MGAM2: variants seen among roughly 807,000 people sequenced by gnomAD.
MGAM2 encodes the protein maltase-glucoamylase 2 (putative).
Under a neutral mutation model 96.1 loss-of-function variants are expected in MGAM2, and 98 were observed. That is an observed-to-expected ratio of 1.02 (90% confidence interval 0.87 to 1.21). The LOEUF (loss-of-function observed/expected upper bound fraction) is 1.21, where lower values mean the gene tolerates loss of function less well. MGAM2 is among the 50% of genes most tolerant of loss of function. The pLI is 0.00. For synonymous variants in MGAM2, 749 were observed against 414.8 expected (o/e 1.81, Z -9.79); for missense variants, 2,055 against 1,182.4 (o/e 1.74, Z -10.82).
chr7:142,131,564 A>C lies in MGAM2; in HGVS notation c.357A>C (p.Gly119=), dbSNP rs186930226. 121 of 703,050 alleles carry C rather than the reference A, an allele frequency of 1.7e-4. No homozygotes were observed. The highest frequency in any genetic ancestry group is 2.8e-4 in the Non-Finnish European group (107 of 384,956). 43.6% of individuals were successfully genotyped at this position (703,050 alleles called of 1,614,324 possible). ...GGTTGCCATCACCATCTCTGTTTGG[A>C]AATGATGTCGCCACCACCCTTTTCA... ...LKRLPSPSLF[G]NDVATTLFTA... Residue 119 remains glycine, a synonymous_variant, in exon 5 of 48, where the codon GGA becomes GGC. Coordinates refer to ENST00000477922, the MANE Select transcript of MGAM2 (RefSeq NM_001293626.2).
At chr7:142,158,161 G>GGTTA (rs1795791550) in intron 18 of MGAM2, 70 bp downstream of exon 18, 1 of 700,196 alleles carries the variant, frequency 1.4e-6, no homozygotes, top group Non-Finnish European at 2.6e-6. Flanking sequence ...GTGGTAGCAA[G>GGTTA]GTTAGTTAGG....
At chr7:142,132,648 T>C (rs111219644) in intron 6 of MGAM2, among the ~76,000 whole-genome samples, 1,377 of 126,902 alleles carry the variant, frequency 0.011, 12 homozygotes, top group South Asian at 0.018. Context: ...AAGAATATAG[T>C]TATAATTAAA....
chr7:142,184,442 A>G (rs569942874), intron 33 of MGAM2, among the ~76,000 whole-genome samples: 1 of 152,190 alleles, frequency 6.6e-6, no homozygotes, highest in Non-Finnish European at 1.5e-5. Flanking sequence ...GCATTTATGT[A>G]CTATCTGTGA....
At chr7:142,174,608 T>TATATG (rs1480366686) in intron 31 of MGAM2, among the ~76,000 whole-genome samples, 1 of 151,988 alleles carries the variant, frequency 6.6e-6, no homozygotes, top group East Asian at 1.9e-4. Flanking sequence ...GGATCTTGTC[T>TATATG]ATATGACAAG....
chr7:142,126,216 C>T (rs1294532640), intron 3 of MGAM2, among the ~76,000 whole-genome samples: 1 of 151,772 alleles, frequency 6.6e-6, no homozygotes, highest in Non-Finnish European at 1.5e-5. Context: ...CTTAATGAGA[C>T]CTATTCATAT....
chr7:142,196,941 TGGAAAATCCACAGA>T, intron 40 of MGAM2, 125 bp downstream of exon 40: 1 of 611,880 alleles, frequency 1.6e-6, no homozygotes, highest in East Asian at 2.7e-5. Flanking sequence ...CTTAATTTCT[TGGAAAATCCACAGA>T]GTTCAGAACT....
At position 142,147,463 on chromosome 7, in the gene MGAM2, G is replaced by A; in HGVS notation, c.1524G>A (p.Leu508=). 1 of 702,156 alleles carries A rather than the reference G, an allele frequency of 1.4e-6. No individual in the cohort carries two copies. Among genetic ancestry groups the A allele is most frequent in the Admixed American group, 2.0e-5 (1 of 49,890 alleles). 43.5% of individuals were successfully genotyped at this position (702,156 alleles called of 1,614,324 possible). ...ATGAGTATTTCCCTCCAGGAGTTCTGGATCACTTACTTTTTGCAAGAACTC... is the reference window on the plus strand; with the variant it reads ...ATGAGTATTTCCCTCCAGGAGTTCTAGATCACTTACTTTTTGCAAGAACTC... The part of the protein sequence containing the change: ...LNFPPFLPRV[L]DHLLFARTLC... Residue 508 remains leucine (L), a synonymous_variant, in exon 15 of 48, where the codon CTG becomes CTA. Coordinates refer to ENST00000477922, the MANE Select transcript of MGAM2 (RefSeq NM_001293626.2).
chr7:142,220,405 C>T lies in MGAM2; in HGVS notation c.5894C>T (p.Pro1965Leu). ...GTTCCCGATACAACTGCCCCTTTCC[C>T]AACAAATACTACTACTGCTAGCACT... is the stretch of plus-strand genomic sequence containing the variant. ...ATVPDTTAPF[P>L]TNTTTASTNA... The change falls in exon 48 of 48, where the codon CCA becomes CTA. Residue 1965 changes from proline (P) to leucine (L), a missense_variant. Physicochemically the swap from Pro to Leu is moderately conservative, Grantham distance 98. Coordinates refer to ENST00000477922, the MANE Select transcript of MGAM2 (RefSeq NM_001293626.2). 5.7e-6 allele frequency: 4 copies of T among 702,582 alleles called. No individual in the cohort carries two copies. Among genetic ancestry groups the T allele is most frequent in the Non-Finnish European group, 1.0e-5 (4 of 384,866 alleles). 43.5% of individuals were successfully genotyped at this position (702,582 alleles called of 1,614,324 possible).
intron 22 of MGAM2, among the ~76,000 whole-genome samples, chr7:142,161,669 G>A (rs11761774): frequency 0.28 from 43,280 of 152,046 alleles, 6,452 homozygotes; most frequent in Non-Finnish European, 0.32. Flanking sequence ...TATTGTGTAG[G>A]CCTTGAGGAA....
At chr7:142,165,102 TG>T (rs1795993244) in intron 24 of MGAM2, 79 bp downstream of exon 24, 4 of 584,420 alleles carry the variant, frequency 6.8e-6, no homozygotes, top group Non-Finnish European at 1.2e-5. Flanking sequence ...CTCTTTTAAC[TG>T]TGGGCAGTCA....
intron 38 of MGAM2, 110 bp downstream of exon 38, chr7:142,196,397 T>G (rs1183298177): frequency 2.3e-5 from 15 of 644,126 alleles, no homozygotes; most frequent in Non-Finnish European, 4.2e-5. Context: ...GTGGTAAAAT[T>G]AACAAGAACT....
At chr7:142,212,899 T>C (rs914758394) in intron 46 of MGAM2, among the ~76,000 whole-genome samples, 4 of 152,056 alleles carry the variant, frequency 2.6e-5, no homozygotes, top group Admixed American at 6.6e-5. Flanking sequence ...TCAGCACCAA[T>C]AGCACTTATT....
At chr7:142,218,729 C>G (rs570529267) in intron 47 of MGAM2, among the ~76,000 whole-genome samples, 198 bp downstream of exon 47, 1 of 152,270 alleles carries the variant, frequency 6.6e-6, no homozygotes, top group African/African-American at 2.4e-5. Context: ...CATTAATGGT[C>G]TTTCCAGTAT....
chr7:142,182,866 T>A lies in MGAM2; in HGVS notation c.3817-400T>A, dbSNP rs150404945. On this transcript the variant is annotated intron_variant, in intron 32 of 47. Transcript: ENST00000477922. ...AATGGTTTACTCAGTATTTTGGTTT[T>A]TCTCCATGGGAGAGGTGCTTCCCAG... is the stretch of plus-strand genomic sequence containing the variant. Among the ~76,000 whole-genome samples, 927 of 152,328 alleles carry A rather than the reference T, an allele frequency of 6.1e-3. 14 individuals are homozygous for A. Among genetic ancestry groups the A allele is most frequent in the African/African-American group, 0.021 (881 of 41,564 alleles).
rs867158740 is a variant in MGAM2 at position 142,189,383 on chromosome 7, C to A, written c.4224C>A (p.Asp1408Glu). ...PPYMPYLESRDKGLSSKTLCM... is the reference protein window; with the variant it reads ...PPYMPYLESREKGLSSKTLCM... ...TCCCCTCAGATTTGGAATCTAGGGA[C>A]AAGGGCCTGAGCAGCAAGACTCTGT... The change falls in exon 37 of 48, where the codon GAC (aspartate) becomes GAA (glutamate). Residue 1408 changes from aspartate to glutamate, a missense_variant. Asp to Glu is a conservative substitution (Grantham distance 45). Coordinates refer to ENST00000477922, the MANE Select transcript of MGAM2 (RefSeq NM_001293626.2). The A allele has an allele frequency of 1.8e-5, 13 of 706,214 alleles. No individual in the cohort carries two copies. In the African/African-American group the frequency reaches 2.1e-4, roughly 12 times the overall value. 43.7% of individuals were successfully genotyped at this position (706,214 alleles called of 1,614,324 possible).
At chr7:142,142,876 A>C (rs1372676880) in intron 12 of MGAM2, among the ~76,000 whole-genome samples, 1 of 152,120 alleles carries the variant, frequency 6.6e-6, no homozygotes, top group Non-Finnish European at 1.5e-5. Flanking sequence ...CACTTAGTTG[A>C]ATAAAATTTG....
intron 27 of MGAM2, among the ~76,000 whole-genome samples, chr7:142,170,672 T>C (rs755547110): frequency 4.6e-5 from 7 of 152,146 alleles, no homozygotes; most frequent in Admixed American, 2.0e-4. Flanking sequence ...CTTTTCACAA[T>C]GTTAAGCATA....
At chr7:142,159,943 A>T (rs188828384) in intron 20 of MGAM2, among the ~76,000 whole-genome samples, 191 bp from the exon 21 acceptor site, 1 of 152,292 alleles carries the variant, frequency 6.6e-6, no homozygotes, top group East Asian at 1.9e-4. Context: ...ATGTAATGTA[A>T]ATAAATAAAG....
intron 3 of MGAM2, among the ~76,000 whole-genome samples, chr7:142,123,021 G>T (rs1363082461): frequency 6.6e-6 from 1 of 152,032 alleles, no homozygotes. Context: ...GTAGAGACGG[G>T]GTTTCACCAT....
Sources: allele counts gnomAD v4.1 joint callset (sites outside exome capture counted in the v4.1 genomes callset), GRCh38; gene constraint gnomAD v4.1.1; transcripts MANE v1.5; gene names NCBI Gene and HGNC (gene_info 2026-07-23, HGNC 2026-07-21).